The following KITLG variants were observed in gnomAD, a reference collection of about 807,000 sequenced individuals.
KITLG encodes KIT ligand.
A neutral mutation model predicts 34.1 loss-of-function variants in KITLG; 13 were observed. The ratio of observed to expected loss-of-function variants is 0.38; its 90% CI spans 0.25 to 0.61. The LOEUF (loss-of-function observed/expected upper bound fraction) is 0.61. Among genes scored for constraint, KITLG ranks in the 20% least tolerant of loss-of-function variants. The pLI is 0.60. For synonymous variants in KITLG, 110 were observed against 104.0 expected (o/e 1.06, Z -0.35); for missense variants, 292 against 318.9 (o/e 0.92, Z 0.64).
rs1012844393 is a variant in KITLG at position 88,580,439 on chromosome 12, C to A, written c.-161G>T. 1.2e-5 allele frequency: 10 copies of A among 865,158 alleles called. No homozygotes were observed. The South Asian group carries it at 1.3e-4, about 11-fold the overall frequency. 53.6% of individuals were successfully genotyped at this position (865,158 alleles called of 1,614,324 possible). ...TCCACTGTCCCTGCTTCCCGCAGCGCTTCTAGTCTCGGCGCGAGGCGGCGA... is the reference window on the plus strand; with the variant it reads ...TCCACTGTCCCTGCTTCCCGCAGCGATTCTAGTCTCGGCGCGAGGCGGCGA... On this transcript the variant is annotated 5_prime_UTR_variant, in exon 1 of 10. Transcript: ENST00000644744.
intron 1 of KITLG, among the ~76,000 whole-genome samples, chr12:88,556,715 G>C (rs1405588162): frequency 6.6e-6 from 1 of 152,124 alleles, no homozygotes; most frequent in Non-Finnish European, 1.5e-5. Flanking sequence ...AAACCTTAGT[G>C]AATACTACCA....
chr12:88,546,696 G>T (rs1173590018), intron 1 of KITLG, among the ~76,000 whole-genome samples: 1 of 152,120 alleles, frequency 6.6e-6, no homozygotes, highest in Non-Finnish European at 1.5e-5. Context: ...ATAAATATTT[G>T]CTGGGTCAAT....
chr12:88,519,648 GCTCTCT>G (rs1179662100), intron 3 of KITLG, among the ~76,000 whole-genome samples: 1 of 151,736 alleles, frequency 6.6e-6, no homozygotes, highest in Non-Finnish European at 1.5e-5. Context: ...ACAGAGACAG[GCTCTCT>G]CTCTGAGTCC....
At chr12:88,546,345 T>C (rs531354936) in intron 1 of KITLG, among the ~76,000 whole-genome samples, 5 of 152,338 alleles carry the variant, frequency 3.3e-5, no homozygotes, top group Admixed American at 2.6e-4. Context: ...GAGAGATGTA[T>C]ATTTTTAGAC....
rs764982522 is a variant in KITLG at position 88,516,386 on chromosome 12, C to T, written c.468G>A (p.Val156=). ...RSIDAFKDFV[V]ASETSDCVVS... is the part of the protein sequence containing the mutation. ...CCACACAATCACTAGTTTCAGATGC[C>T]ACTACAAAGTCCTTGAAGGCATCAA... is the stretch of plus-strand genomic sequence containing the variant. The change falls in exon 5 of 10, where the codon GTG becomes GTA. Residue 156 remains valine, a synonymous_variant. Transcript: ENST00000644744. 9 of 1,611,346 alleles carry T rather than the reference C, an allele frequency of 5.6e-6. 1 individual carries two copies. In the Middle Eastern group the frequency reaches 1.2e-3, roughly 209 times the overall value.
intron 2 of KITLG, among the ~76,000 whole-genome samples, chr12:88,537,271 C>A (rs907845991): frequency 6.6e-6 from 1 of 152,072 alleles, no homozygotes; most frequent in African/African-American, 2.4e-5. Flanking sequence ...GATACATATA[C>A]ACCATGGAAT....
At chr12:88,535,589 T>A (rs1870284103) in intron 2 of KITLG, among the ~76,000 whole-genome samples, 1 of 152,188 alleles carries the variant, frequency 6.6e-6, no homozygotes. Flanking sequence ...ATTACGTCCT[T>A]GGTTTTCATT....
chr12:88,534,442 T>A (rs918721907), intron 2 of KITLG, among the ~76,000 whole-genome samples: 1 of 152,118 alleles, frequency 6.6e-6, no homozygotes, highest in African/African-American at 2.4e-5. Context: ...AGCACAATCC[T>A]GGCTCACTCC....
rs545986412 is a variant in KITLG at position 88,495,733 on chromosome 12, T to G, written c.*1486A>C. On this transcript the variant is annotated 3_prime_UTR_variant, in exon 10 of 10. Coordinates refer to ENST00000644744, the MANE Select transcript of KITLG (RefSeq NM_000899.5). ...TGTGTCACTACATTGAAAACTGTCA[T>G]CTTACGGTTGTAGAACATGGCAATA... is the stretch of plus-strand genomic sequence containing the variant. 13 of 152,332 alleles carry G rather than the reference T, an allele frequency of 8.5e-5. No homozygotes were observed. The highest frequency in any genetic ancestry group is 1.6e-4 in the Non-Finnish European group (11 of 68,010). 9.4% of individuals were successfully genotyped at this position (152,332 alleles called of 1,614,324 possible). A position where few individuals can be genotyped will look rare whatever the true frequency, so the allele number is the denominator to read the frequency against.
At chr12:88,546,385 A>T (rs1337231788) in intron 1 of KITLG, among the ~76,000 whole-genome samples, 1 of 152,224 alleles carries the variant, frequency 6.6e-6, no homozygotes. Context: ...TTTGTGAGAC[A>T]TCAAAAGAAT....
chr12:88,566,811 C>G (rs978200804), intron 1 of KITLG, among the ~76,000 whole-genome samples: 4 of 152,158 alleles, frequency 2.6e-5, no homozygotes, highest in African/African-American at 9.7e-5. Flanking sequence ...CTGTTAATAA[C>G]TCTAGATTGT....
chr12:88,547,841 C>T (rs1870768870), intron 1 of KITLG, among the ~76,000 whole-genome samples: 2 of 152,202 alleles, frequency 1.3e-5, no homozygotes, highest in South Asian at 2.1e-4. Flanking sequence ...TCTCATTCAT[C>T]TAACAAGTAT....
At chr12:88,537,672 T>C (rs1222971614) in intron 2 of KITLG, among the ~76,000 whole-genome samples, 1 of 150,670 alleles carries the variant, frequency 6.6e-6, no homozygotes, top group African/African-American at 2.4e-5. Context: ...TATTCTAAAA[T>C]CTGAAAAAAA....
chr12:88,536,795 G>A (rs1423131114), intron 2 of KITLG, among the ~76,000 whole-genome samples: 1 of 152,066 alleles, frequency 6.6e-6, no homozygotes, highest in African/African-American at 2.4e-5. Context: ...GAGAACACAT[G>A]GACACAGGGA....
chr12:88,567,858 G>A (rs567561796), intron 1 of KITLG, among the ~76,000 whole-genome samples: 34 of 152,226 alleles, frequency 2.2e-4, no homozygotes, highest in African/African-American at 7.7e-4. Flanking sequence ...AATGTTATCC[G>A]AAGAATCAAG....
intron 2 of KITLG, among the ~76,000 whole-genome samples, chr12:88,537,450 G>T (rs535577791): frequency 6.6e-6 from 1 of 151,702 alleles, no homozygotes; most frequent in Admixed American, 6.6e-5. Flanking sequence ...AATAAAGATG[G>T]CAACAATAGA....
At chr12:88,547,754 A>C (rs1253909164) in intron 1 of KITLG, among the ~76,000 whole-genome samples, 2 of 152,218 alleles carry the variant, frequency 1.3e-5, no homozygotes, top group Non-Finnish European at 2.9e-5. Context: ...AAAGAAATGT[A>C]ATGGCAGAAA....
intron 3 of KITLG, among the ~76,000 whole-genome samples, chr12:88,519,724 G>C (rs2120843891): frequency 6.6e-6 from 1 of 152,198 alleles, no homozygotes; most frequent in African/African-American, 2.4e-5. Flanking sequence ...CTGGGCCCAA[G>C]TGATCTTCCC....
At chr12:88,569,274 C>G (rs1871562746) in intron 1 of KITLG, among the ~76,000 whole-genome samples, 1 of 152,132 alleles carries the variant, frequency 6.6e-6, no homozygotes, top group Non-Finnish European at 1.5e-5. Flanking sequence ...TAGGTAAACT[C>G]TTTTGTGATT....
Sources: allele counts gnomAD v4.1 joint callset (sites outside exome capture counted in the v4.1 genomes callset), GRCh38; gene constraint gnomAD v4.1.1; transcripts MANE v1.5; gene names NCBI Gene and HGNC (gene_info 2026-07-23, HGNC 2026-07-21).